DPYD: variants seen among roughly 807,000 people sequenced by gnomAD.
The protein encoded by DPYD is dihydropyrimidine dehydrogenase.
A neutral mutation model predicts 116.2 loss-of-function variants in DPYD; 109 were observed. The ratio of observed to expected loss-of-function variants is 0.94; its 90% CI spans 0.80 to 1.10. The LOEUF (loss-of-function observed/expected upper bound fraction) is 1.10. Among genes scored for constraint, DPYD ranks in the 50% least tolerant of loss-of-function variants. The pLI is 0.00. For synonymous variants in DPYD, 440 were observed against 432.0 expected (o/e 1.02, Z -0.23); for missense variants, 1,302 against 1,254.5 (o/e 1.04, Z -0.57).
intron 1 of DPYD, among the ~76,000 whole-genome samples, chr1:97,891,493 G>A (rs1170268571): frequency 1.3e-5 from 2 of 151,714 alleles, no homozygotes; most frequent in African/African-American, 4.8e-5. Flanking sequence ...TATTATCCAG[G>A]GCCAAGTATA....
intron 11 of DPYD, among the ~76,000 whole-genome samples, chr1:97,558,553 C>T (rs895698708): frequency 6.6e-6 from 1 of 152,024 alleles, no homozygotes; most frequent in Non-Finnish European, 1.5e-5. Flanking sequence ...TCTGATTTTC[C>T]TACTGCTATG....
At chr1:97,641,223 G>T (rs2100818136) in intron 8 of DPYD, among the ~76,000 whole-genome samples, 1 of 152,252 alleles carries the variant, frequency 6.6e-6, no homozygotes, top group South Asian at 2.1e-4. Flanking sequence ...AATCCACCCA[G>T]ATATTGTACA....
intron 16 of DPYD, among the ~76,000 whole-genome samples, chr1:97,364,288 T>C (rs1341007713): frequency 6.6e-6 from 1 of 152,194 alleles, no homozygotes; most frequent in African/African-American, 2.4e-5. Flanking sequence ...AGAAGAAAGC[T>C]GCATGTTCTT....
At chr1:97,890,282 G>T (rs1001473688) in intron 1 of DPYD, among the ~76,000 whole-genome samples, 1 of 151,868 alleles carries the variant, frequency 6.6e-6, no homozygotes, top group African/African-American at 2.4e-5. Flanking sequence ...CAATAAAGCT[G>T]TTACCAAAGT....
intron 14 of DPYD, among the ~76,000 whole-genome samples, chr1:97,444,850 T>C (rs1199862009): frequency 3.9e-5 from 6 of 152,156 alleles, no homozygotes; most frequent in Non-Finnish European, 8.8e-5. Flanking sequence ...TTTAGACTTT[T>C]ATTTTTACCA....
chr1:97,456,270 A>G (rs2101809938), intron 13 of DPYD, among the ~76,000 whole-genome samples: 1 of 152,134 alleles, frequency 6.6e-6, no homozygotes, highest in Non-Finnish European at 1.5e-5. Context: ...ATCAACTTGA[A>G]TAAGTTAAAT....
At chr1:97,585,450 CAG>C (rs1004870750) in intron 10 of DPYD, among the ~76,000 whole-genome samples, 2 of 152,008 alleles carry the variant, frequency 1.3e-5, no homozygotes, top group African/African-American at 4.8e-5. Flanking sequence ...TTTATGATGA[CAG>C]GGGGATGACA....
intron 2 of DPYD, among the ~76,000 whole-genome samples, chr1:97,864,317 G>A (rs1359475300): frequency 6.6e-6 from 1 of 151,848 alleles, no homozygotes; most frequent in African/African-American, 2.4e-5. Flanking sequence ...GGGGCTGGGG[G>A]CCTGGGAAAG....
chr1:97,774,084 T>G (rs1310996652), intron 3 of DPYD, among the ~76,000 whole-genome samples: 1 of 152,144 alleles, frequency 6.6e-6, no homozygotes, highest in Non-Finnish European at 1.5e-5. Flanking sequence ...CATTCCCCAC[T>G]ACCTGCCCAT....
intron 3 of DPYD, among the ~76,000 whole-genome samples, chr1:97,751,410 G>A (rs1191175198): frequency 5.7e-5 from 7 of 123,384 alleles, no homozygotes; most frequent in South Asian, 2.5e-4. Context: ...ACATATATAC[G>A]TGTATATATA....
At position 97,916,498 on chromosome 1, in the gene DPYD, A is replaced by G. The variant is rs1413754528; in HGVS notation, c.39+4386T>C. On this transcript the variant is annotated intron_variant, in intron 1 of 22. Coordinates refer to ENST00000370192, the MANE Select transcript of DPYD (RefSeq NM_000110.4). ...TCCAGCTTCATCCATGTCCCTACAAAGGATATGAACTCATAATCTTTTTAA... is the reference window on the plus strand; with the variant it reads ...TCCAGCTTCATCCATGTCCCTACAAGGGATATGAACTCATAATCTTTTTAA... Among the ~76,000 whole-genome samples, 4 of 152,260 alleles carry G rather than the reference A, an allele frequency of 2.6e-5. No individual in the cohort carries two copies. In the South Asian group the frequency reaches 6.2e-4, roughly 24 times the overall value.
At chr1:97,916,186 T>C (rs1249098166) in intron 1 of DPYD, among the ~76,000 whole-genome samples, 1 of 152,198 alleles carries the variant, frequency 6.6e-6, no homozygotes, top group Non-Finnish European at 1.5e-5. Flanking sequence ...TTAATATTCA[T>C]CTTTTTTTAT....
At chr1:97,525,426 G>A (rs1025503976) in intron 12 of DPYD, among the ~76,000 whole-genome samples, 9 of 151,970 alleles carry the variant, frequency 5.9e-5, no homozygotes, top group Non-Finnish European at 1.0e-4. Context: ...CTTCCTAATC[G>A]TACTCTGTAC....
chr1:97,404,937 A>G (rs1570679096), intron 14 of DPYD, among the ~76,000 whole-genome samples: 1 of 145,154 alleles, frequency 6.9e-6, no homozygotes, highest in Non-Finnish European at 1.5e-5. Context: ...TCTTTTTAGC[A>G]TATCACTTGT....
intron 20 of DPYD, among the ~76,000 whole-genome samples, chr1:97,143,780 T>C (rs770780245): frequency 6.6e-6 from 1 of 152,150 alleles, no homozygotes; most frequent in Non-Finnish European, 1.5e-5. Context: ...ATTTTGAAAA[T>C]GGATTTTACA....
At chr1:97,155,935 A>G (rs573844407) in intron 20 of DPYD, among the ~76,000 whole-genome samples, 1 of 152,220 alleles carries the variant, frequency 6.6e-6, no homozygotes, top group Admixed American at 6.5e-5. Flanking sequence ...GGATCTTTTT[A>G]AAATGCAGAT....
chr1:97,199,212 A>G (rs1362630632), intron 19 of DPYD, among the ~76,000 whole-genome samples: 2 of 152,154 alleles, frequency 1.3e-5, no homozygotes. Context: ...TGACTTAGTC[A>G]GGAGAGGGAG....
At chr1:97,397,742 C>A (rs1049605323) in intron 14 of DPYD, among the ~76,000 whole-genome samples, 8 of 151,868 alleles carry the variant, frequency 5.3e-5, no homozygotes, top group Non-Finnish European at 8.8e-5. Flanking sequence ...CTGTATGTAC[C>A]AAAGTTTATA....
intron 20 of DPYD, among the ~76,000 whole-genome samples, chr1:97,173,305 TATATATGCACACATATATACAC>T (rs1656936464): frequency 7.1e-6 from 1 of 140,372 alleles, no homozygotes; most frequent in African/African-American, 2.6e-5. Context: ...CATATGTACA[TATATATGCACACATATATACAC>T]ATATATGTGT....
Sources: gnomAD v4.1 joint callset for allele counts (sites outside exome capture counted in the v4.1 genomes callset) on GRCh38, gnomAD v4.1.1 for gene constraint, MANE v1.5 for transcripts, NCBI Gene and HGNC (gene_info 2026-07-23, HGNC 2026-07-21) for gene names.